Variants in TRIO observed in about 807,000 individuals in gnomAD.
TRIO encodes the protein trio Rho guanine nucleotide exchange factor, also known as triple functional domain protein.
A neutral mutation model predicts 351.9 loss-of-function variants in TRIO; 58 were observed. The ratio of observed to expected loss-of-function variants is 0.16; its 90% CI spans 0.13 to 0.21. The LOEUF (loss-of-function observed/expected upper bound fraction) is 0.21, where lower values mean the gene tolerates loss of function less well. Ranked by LOEUF, TRIO falls within the 10% of genes least tolerant of loss-of-function variation. TRIO has a pLI of 1.00. For synonymous variants in TRIO, 1,758 were observed against 1,595.7 expected (o/e 1.10, Z -2.42); for missense variants, 3,201 against 4,027.8 (o/e 0.79, Z 5.56).
chr5:14,435,906 C>G (rs1259378699), intron 34 of TRIO, among the ~76,000 whole-genome samples: 1 of 152,168 alleles, frequency 6.6e-6, no homozygotes, highest in African/African-American at 2.4e-5. Context: ...TCCAAGAAGC[C>G]CTCCTGGTCC....
chr5:14,364,893 C>T (rs1329337712), intron 15 of TRIO, 77 bp downstream of exon 15: 1 of 1,496,362 alleles, frequency 6.7e-7, no homozygotes, highest in Non-Finnish European at 8.9e-7. Flanking sequence ...GAAATTCTGA[C>T]CTGTAGCATT....
At chr5:14,344,337 G>A (rs979962823) in intron 11 of TRIO, among the ~76,000 whole-genome samples, 11 of 152,130 alleles carry the variant, frequency 7.2e-5, no homozygotes, top group Admixed American at 5.2e-4. Context: ...CTTCCCATTG[G>A]TGGGAATATC....
intron 34 of TRIO, among the ~76,000 whole-genome samples, chr5:14,458,488 A>G (rs200869073): frequency 6.6e-6 from 1 of 152,046 alleles, no homozygotes; most frequent in Non-Finnish European, 1.5e-5. Context: ...CCCCTTCTCA[A>G]CCCTAACAGG....
chr5:14,178,633 C>CCTA, intron 1 of TRIO, among the ~76,000 whole-genome samples: 1 of 152,172 alleles, frequency 6.6e-6, no homozygotes, highest in East Asian at 1.9e-4. Flanking sequence ...GATGACTCGA[C>CCTA]CTACTGACTG....
rs1756994774 is a variant in TRIO at position 14,497,726 on chromosome 5, T to C, written c.8020-121T>C. 5.3e-6 allele frequency: 7 copies of C among 1,312,616 alleles called. No homozygotes were observed. The highest frequency in any genetic ancestry group is 1.7e-5 in the Admixed American group (1 of 58,028). The allele number at this position is 1,312,616 out of a possible 1,614,324, so 81.3% of individuals were successfully genotyped here. On this transcript the variant is annotated intron_variant, in intron 50 of 56. Transcript: ENST00000344204. This position sits in a 1 kb window ranked among gnomAD's most constrained non-coding sequence, Gnocchi z 4.4. ...GCAGTGAAAATGTGGTCTGTTTTGA[T>C]TGATGCCCAGGCAAGTCAGTTTCTG...
chr5:14,249,287 C>T (rs772420876), intron 1 of TRIO, among the ~76,000 whole-genome samples: 17 of 152,116 alleles, frequency 1.1e-4, no homozygotes, highest in Non-Finnish European at 1.8e-4. Context: ...TTCTGTGGTG[C>T]GGGAGATTGT....
intron 31 of TRIO, 61 bp from the exon 32 acceptor site, chr5:14,405,787 G>A (rs1748652205): frequency 6.6e-7 from 1 of 1,520,746 alleles, no homozygotes; most frequent in Non-Finnish European, 8.9e-7. Flanking sequence ...CCTGGGTGTG[G>A]TTAGGGCAAG....
chr5:14,499,725 T>A (rs960413235), intron 53 of TRIO, among the ~76,000 whole-genome samples: 27 of 152,162 alleles, frequency 1.8e-4, no homozygotes, highest in African/African-American at 6.3e-4. Context: ...TTTTTTTTTT[T>A]AATCACTGGC....
rs1754194474 is a variant in TRIO, at chr5:14,465,585, C to T, written c.5708C>T (p.Thr1903Ile). ...RLLVRPTSSE[T>I]PSAAELVSAI... Reference sequence around the variant, plus strand: ...TTAGTCCGCCCCACCAGCTCCGAAACACCGAGTGCAGCCGAGCTCGTCAGT... The same window carrying T: ...TTAGTCCGCCCCACCAGCTCCGAAATACCGAGTGCAGCCGAGCTCGTCAGT... Residue 1903 changes from threonine (T) to isoleucine (I), a missense_variant, in exon 37 of 57, where the codon ACA becomes ATA. Thr to Ile is a moderately conservative substitution (Grantham distance 89). Around this residue, in one of 19 missense-constraint regions of TRIO, gnomAD observed 307 missense variants for 396.5 expected, o/e 0.77. Coordinates refer to ENST00000344204, the MANE Select transcript of TRIO (RefSeq NM_007118.4). 1 of 1,613,994 alleles carries T rather than the reference C, an allele frequency of 6.2e-7. No homozygotes were observed. Among genetic ancestry groups the T allele is most frequent in the African/African-American group, 1.3e-5 (1 of 74,900 alleles).
chr5:14,308,652 T>G (rs1293815421), intron 8 of TRIO, among the ~76,000 whole-genome samples: 1 of 8,356 alleles, frequency 1.2e-4, no homozygotes, highest in Non-Finnish European at 3.2e-4. Context: ...CCATTCATCA[T>G]CCATCCATCC....
chr5:14,323,381 C>G (rs1740062813), intron 9 of TRIO, among the ~76,000 whole-genome samples: 1 of 151,896 alleles, frequency 6.6e-6, no homozygotes, highest in African/African-American at 2.4e-5. Context: ...AGGATGCCTA[C>G]CTTCTAAGCT....
At chr5:14,425,572 A>C (rs1402717952) in intron 34 of TRIO, among the ~76,000 whole-genome samples, 1 of 152,160 alleles carries the variant, frequency 6.6e-6, no homozygotes, top group East Asian at 1.9e-4. Context: ...GTGTATACCC[A>C]GAAATGCAAT....
chr5:14,272,869 A>G (rs1796057264), intron 2 of TRIO, among the ~76,000 whole-genome samples: 1 of 152,252 alleles, frequency 6.6e-6, no homozygotes, highest in Non-Finnish European at 1.5e-5. Context: ...GTGTTGTATT[A>G]CATTTTTTGA....
intron 1 of TRIO, among the ~76,000 whole-genome samples, chr5:14,269,096 C>A (rs1489404322): frequency 6.6e-6 from 1 of 152,184 alleles, no homozygotes; most frequent in Non-Finnish European, 1.5e-5. Context: ...GTGGAGGCCC[C>A]AGCTCGGTCA....
intron 24 of TRIO, among the ~76,000 whole-genome samples, 191 bp downstream of exon 24, chr5:14,388,870 A>G (rs1252654537): frequency 1.3e-5 from 2 of 151,882 alleles, no homozygotes; most frequent in South Asian, 4.2e-4. Context: ...TTTGTTTTTC[A>G]CTCATTACAG....
chr5:14,326,490 AGGAAT>A (rs1442397698), intron 9 of TRIO, among the ~76,000 whole-genome samples: 1 of 152,170 alleles, frequency 6.6e-6, no homozygotes, highest in African/African-American at 2.4e-5. Flanking sequence ...TGGTGTACTG[AGGAAT>A]GAGCCCACAC....
At chr5:14,328,108 C>T (rs957454340) in intron 9 of TRIO, among the ~76,000 whole-genome samples, 11 of 152,242 alleles carry the variant, frequency 7.2e-5, no homozygotes, top group South Asian at 2.1e-4. Context: ...GCTCAATACA[C>T]TAGTTAAAAC....
chr5:14,389,369 C>T lies in TRIO; in HGVS notation c.4029C>T (p.Asn1343=). The change falls in exon 25 of 57, where the codon AAC becomes AAT. Residue 1343 remains asparagine, a synonymous_variant. Transcript: ENST00000344204. Reference sequence around the variant, plus strand: ...ACAAAGAACTCATCATCTTCGGAAACATGCAAGAAATCTACGAATTTCATA... The same window carrying T: ...ACAAAGAACTCATCATCTTCGGAAATATGCAAGAAATCTACGAATTTCATA... ...IVNKELIIFG[N]MQEIYEFHNN... 4 of 1,610,906 alleles carry T rather than the reference C, an allele frequency of 2.5e-6. No homozygotes were observed. Among genetic ancestry groups the T allele is most frequent in the South Asian group, 1.1e-5 (1 of 90,546 alleles).
chr5:14,171,946 C>T (rs1440337673), intron 1 of TRIO, among the ~76,000 whole-genome samples: 1 of 152,140 alleles, frequency 6.6e-6, no homozygotes, highest in East Asian at 1.9e-4. Flanking sequence ...CAAAGATATC[C>T]TTGTATGCAA....
Sources: allele counts gnomAD v4.1 joint callset (sites outside exome capture counted in the v4.1 genomes callset), GRCh38; gene constraint gnomAD v4.1.1; regional missense constraint gnomAD v4.1.1; non-coding constraint Gnocchi (gnomAD v3.1); transcripts MANE v1.5; gene names NCBI Gene and HGNC (gene_info 2026-07-23, HGNC 2026-07-21).